MECOM: variants seen among roughly 807,000 people sequenced by gnomAD.
MECOM encodes MDS1 and EVI1 complex locus.
A neutral mutation model predicts 116.3 loss-of-function variants in MECOM; 13 were observed. The observed-to-expected ratio is 0.11, with a 90% CI of 0.07 to 0.18. The LOEUF (loss-of-function observed/expected upper bound fraction) is 0.18. MECOM is among the 10% of genes least tolerant of loss of function. The probability of loss-of-function intolerance (pLI) is 1.00; values close to 1 mark genes in which losing one functional copy is unlikely to be tolerated. For synonymous variants in MECOM, 528 were observed against 535.2 expected (o/e 0.99, Z 0.19); for missense variants, 1,299 against 1,509.0 (o/e 0.86, Z 2.31).
At chr3:169,170,533 A>G (rs1744262501) in intron 2 of MECOM, among the ~76,000 whole-genome samples, 1 of 152,076 alleles carries the variant, frequency 6.6e-6, no homozygotes, top group Admixed American at 6.6e-5. Flanking sequence ...TCAAATGTAT[A>G]TACACTTTCG....
intron 2 of MECOM, among the ~76,000 whole-genome samples, chr3:169,341,038 G>A (rs1201872617): frequency 2.0e-5 from 3 of 152,144 alleles, no homozygotes; most frequent in African/African-American, 4.8e-5. Flanking sequence ...TATCAAAAAT[G>A]TTTATGAACT....
At chr3:169,146,598 G>A (rs778491433) in intron 2 of MECOM, 1 of 1,372,232 alleles carries the variant, frequency 7.3e-7, no homozygotes, top group South Asian at 1.1e-5. Flanking sequence ...CTGCGGGCGA[G>A]GAGGAAAGAA....
chr3:169,272,449 T>C (rs764136358), intron 2 of MECOM, among the ~76,000 whole-genome samples: 2 of 152,134 alleles, frequency 1.3e-5, no homozygotes, highest in African/African-American at 2.4e-5. Context: ...TTTCTTTACA[T>C]TGTCCCCAGA....
chr3:169,519,269 A>G (rs1161646930), intron 1 of MECOM, among the ~76,000 whole-genome samples: 1 of 152,208 alleles, frequency 6.6e-6, no homozygotes, highest in African/African-American at 2.4e-5. Context: ...TCTTAGAATG[A>G]ATCTCATCCA....
chr3:169,568,688 A>C (rs1763534678), intron 1 of MECOM, among the ~76,000 whole-genome samples: 1 of 152,230 alleles, frequency 6.6e-6, no homozygotes, highest in Non-Finnish European at 1.5e-5. Context: ...CTCTGGGCAG[A>C]ACATCTCTGA....
intron 2 of MECOM, among the ~76,000 whole-genome samples, chr3:169,184,125 A>G (rs1290917130): frequency 1.3e-5 from 2 of 151,988 alleles, no homozygotes; most frequent in Non-Finnish European, 1.5e-5. Context: ...CGGCCTCCCA[A>G]AGTGCTGGGA....
intron 1 of MECOM, among the ~76,000 whole-genome samples, chr3:169,603,621 C>A (rs1768109538): frequency 6.6e-6 from 1 of 152,040 alleles, no homozygotes; most frequent in Non-Finnish European, 1.5e-5. Context: ...ACCATTTTTT[C>A]TTTTACACTG....
At chr3:169,354,609 C>T (rs547181758) in intron 2 of MECOM, among the ~76,000 whole-genome samples, 9 of 151,982 alleles carry the variant, frequency 5.9e-5, no homozygotes, top group African/African-American at 2.2e-4. Context: ...AAGCTTGTAC[C>T]TTTAGAAAAT....
At chr3:169,447,644 T>C (rs954026418) in intron 1 of MECOM, among the ~76,000 whole-genome samples, 5 of 152,320 alleles carry the variant, frequency 3.3e-5, no homozygotes, top group Admixed American at 3.3e-4. Context: ...CACAAACAGA[T>C]GTTTACAGCA....
chr3:169,094,727 C>T (rs1478944864), intron 13 of MECOM, among the ~76,000 whole-genome samples: 1 of 152,188 alleles, frequency 6.6e-6, no homozygotes, highest in Non-Finnish European at 1.5e-5. Flanking sequence ...AGAGACTCTG[C>T]CATGCCTAGA....
At chr3:169,366,199 T>A (rs1443217193) in intron 2 of MECOM, among the ~76,000 whole-genome samples, 3 of 151,922 alleles carry the variant, frequency 2.0e-5, no homozygotes, top group Non-Finnish European at 1.5e-5. Context: ...GGTTGGTGAC[T>A]TCCTGGGGAG....
At position 169,587,426 on chromosome 3, in the gene MECOM, A is replaced by AACAC. The variant is rs3980637; in HGVS notation, c.37+75906_37+75909dup. ...TTTATCACATGTAAACCCACACGCC[A>AACAC]ACACACACACACACACACACACACA... On this transcript the variant is annotated intron_variant, in intron 1 of 16. Coordinates refer to ENST00000651503, the MANE Select transcript of MECOM (RefSeq NM_004991.4). Among the ~76,000 whole-genome samples, 664 of 141,070 alleles carry AACAC rather than the reference A, an allele frequency of 4.7e-3. 5 individuals are homozygous for AACAC. The highest frequency in any genetic ancestry group is 0.028 in the East Asian group (131 of 4,750). 92.5% of individuals were successfully genotyped at this position (141,070 alleles called of 152,430 possible).
At chr3:169,159,673 T>A (rs759235120) in intron 2 of MECOM, among the ~76,000 whole-genome samples, 1 of 152,144 alleles carries the variant, frequency 6.6e-6, no homozygotes, top group African/African-American at 2.4e-5. Context: ...TAGAGACTCA[T>A]AAAGAAGTAC....
intron 1 of MECOM, among the ~76,000 whole-genome samples, chr3:169,656,754 A>G (rs747185382): frequency 7.9e-5 from 12 of 152,222 alleles, no homozygotes; most frequent in Non-Finnish European, 1.8e-4. Context: ...ATTCTTTCTA[A>G]TAACATTGTA....
chr3:169,198,518 G>T (rs1327399328), intron 2 of MECOM, among the ~76,000 whole-genome samples: 1 of 151,912 alleles, frequency 6.6e-6, no homozygotes, highest in Non-Finnish European at 1.5e-5. Flanking sequence ...TAGGCATGAA[G>T]TTCTGATGGC....
At chr3:169,446,818 C>T (rs970173543) in intron 1 of MECOM, among the ~76,000 whole-genome samples, 1 of 152,182 alleles carries the variant, frequency 6.6e-6, no homozygotes, top group Admixed American at 6.5e-5. Context: ...GATTCAAAAG[C>T]CCATGCTCCT....
intron 1 of MECOM, among the ~76,000 whole-genome samples, chr3:169,636,309 C>T (rs1421694935): frequency 6.6e-6 from 1 of 152,128 alleles, no homozygotes; most frequent in Admixed American, 6.5e-5. Flanking sequence ...TATTCCCTTC[C>T]CCTAGTAAGA....
chr3:169,587,312 C>G (rs1765881759), intron 1 of MECOM, among the ~76,000 whole-genome samples: 1 of 152,154 alleles, frequency 6.6e-6, no homozygotes, highest in Non-Finnish European at 1.5e-5. Context: ...AATCACATCT[C>G]TTTCCTAAAA....
intron 2 of MECOM, among the ~76,000 whole-genome samples, chr3:169,346,524 G>A (rs1232148075): frequency 1.3e-5 from 2 of 151,772 alleles, no homozygotes; most frequent in African/African-American, 2.4e-5. Context: ...TAATAACCAC[G>A]ATAGCTGAAT....
Sources: gnomAD v4.1 joint callset for allele counts (sites outside exome capture counted in the v4.1 genomes callset) on GRCh38, gnomAD v4.1.1 for gene constraint, MANE v1.5 for transcripts, NCBI Gene and HGNC (gene_info 2026-07-23, HGNC 2026-07-21) for gene names.